DYNC1I1: variants seen among roughly 807,000 people sequenced by gnomAD.
DYNC1I1 encodes dynein cytoplasmic 1 intermediate chain 1, also known as cytoplasmic dynein 1 intermediate chain 1.
DYNC1I1 carries 43 observed loss-of-function variants against 86.6 expected under a neutral mutation model. The observed-to-expected ratio is 0.50, with a 90% confidence interval of 0.39 to 0.64. The LOEUF (loss-of-function observed/expected upper bound fraction) is 0.64, where lower values mean the gene tolerates loss of function less well. DYNC1I1 is among the 30% of genes least tolerant of loss of function. The pLI, the probability that DYNC1I1 is intolerant of heterozygous loss-of-function variation, is 0.00. For synonymous variants in DYNC1I1, 262 were observed against 283.7 expected, an observed-to-expected ratio of 0.92 and a Z score of 0.77; for missense variants, 604 against 788.8, an observed-to-expected ratio of 0.77 and a Z score of 2.81.
At chr7:95,820,310 A>G (rs574769207) in intron 4 of DYNC1I1, among the ~76,000 whole-genome samples, 1 of 152,370 alleles carries the variant, frequency 6.6e-6, no homozygotes, top group African/African-American at 2.4e-5. Context: ...TTTCTTAATT[A>G]ACATCACTTT....
chr7:96,061,708 T>TCACACA (rs1489519108), intron 14 of DYNC1I1, among the ~76,000 whole-genome samples: 17 of 127,806 alleles, frequency 1.3e-4, no homozygotes, highest in African/African-American at 5.8e-4. Flanking sequence ...TCTCTCTCTC[T>TCACACA]CTCTCACACA....
At chr7:96,026,255 T>C (rs550478968) in intron 10 of DYNC1I1, among the ~76,000 whole-genome samples, 4 of 152,254 alleles carry the variant, frequency 2.6e-5, no homozygotes, top group Admixed American at 1.3e-4. Context: ...AACATGACAT[T>C]GAAAAATAGT....
intron 14 of DYNC1I1, among the ~76,000 whole-genome samples, chr7:96,047,024 G>A (rs546244886): frequency 1.3e-5 from 2 of 152,266 alleles, no homozygotes; most frequent in African/African-American, 4.8e-5. Context: ...TCACAGTTCT[G>A]GAGGCTGATA....
intron 7 of DYNC1I1, among the ~76,000 whole-genome samples, chr7:95,984,298 A>G (rs894935502): frequency 5.9e-5 from 9 of 152,184 alleles, no homozygotes; most frequent in Non-Finnish European, 5.9e-5. Context: ...TTTATATAAC[A>G]ATCAGTCAGC....
At chr7:95,975,414 T>G (rs548738161) in intron 6 of DYNC1I1, among the ~76,000 whole-genome samples, 1 of 152,120 alleles carries the variant, frequency 6.6e-6, no homozygotes, top group Non-Finnish European at 1.5e-5. Context: ...TCTGGCACTC[T>G]TTGGTGTTCC....
intron 1 of DYNC1I1, among the ~76,000 whole-genome samples, chr7:95,788,360 A>G (rs528651955): frequency 6.6e-6 from 1 of 152,288 alleles, no homozygotes; most frequent in East Asian, 1.9e-4. Flanking sequence ...GATAGATTGG[A>G]TGTGGGTTTG....
intron 2 of DYNC1I1, among the ~76,000 whole-genome samples, chr7:95,808,602 T>A (rs1288093030): frequency 6.6e-6 from 1 of 152,184 alleles, no homozygotes; most frequent in Non-Finnish European, 1.5e-5. Flanking sequence ...TGTCCTTGGC[T>A]TCCTGCCGAA....
intron 10 of DYNC1I1, among the ~76,000 whole-genome samples, chr7:96,004,898 A>G (rs759377899): frequency 1.3e-5 from 2 of 152,232 alleles, no homozygotes; most frequent in Non-Finnish European, 2.9e-5. Context: ...TCAGTAGATA[A>G]AATAATGCAA....
intron 9 of DYNC1I1, among the ~76,000 whole-genome samples, chr7:95,991,118 G>A (rs1416559955): frequency 1.3e-5 from 2 of 152,162 alleles, no homozygotes; most frequent in East Asian, 3.8e-4. Flanking sequence ...CTTGATAAAT[G>A]TGACATAGTA....
At chr7:96,083,680 C>T (rs368574423) in intron 16 of DYNC1I1, among the ~76,000 whole-genome samples, 18 of 152,288 alleles carry the variant, frequency 1.2e-4, no homozygotes, top group African/African-American at 3.6e-4. Flanking sequence ...AAGGCTGGTG[C>T]ATGACTGACT....
At chr7:95,827,915 G>T (rs568470186) in intron 4 of DYNC1I1, 142 bp from the exon 5 acceptor site, 7 of 710,770 alleles carry the variant, frequency 9.8e-6, no homozygotes, top group African/African-American at 5.2e-5. Flanking sequence ...GTCACTGGGG[G>T]TGGAGGGGAT....
At chr7:95,834,902 T>C (rs2115969856) in intron 5 of DYNC1I1, among the ~76,000 whole-genome samples, 1 of 152,152 alleles carries the variant, frequency 6.6e-6, no homozygotes, top group East Asian at 1.9e-4. Context: ...ATGTATTTTG[T>C]TGATCCTTTC....
At chr7:95,823,227 C>T (rs1389822211) in intron 4 of DYNC1I1, among the ~76,000 whole-genome samples, 3 of 152,088 alleles carry the variant, frequency 2.0e-5, no homozygotes, top group African/African-American at 7.2e-5. Context: ...AGGCCCAAAT[C>T]CTATCCCCTC....
intron 2 of DYNC1I1, among the ~76,000 whole-genome samples, chr7:95,808,560 A>C (rs1198754063): frequency 1.3e-5 from 2 of 152,148 alleles, no homozygotes; most frequent in African/African-American, 4.8e-5. Flanking sequence ...CAATGAGGTG[A>C]GCTCAGTGGG....
intron 6 of DYNC1I1, among the ~76,000 whole-genome samples, chr7:95,932,821 C>T (rs1234234678): frequency 6.6e-6 from 1 of 151,922 alleles, no homozygotes; most frequent in African/African-American, 2.4e-5. Context: ...ATAAGACTTA[C>T]AGTAGCACAT....
chr7:96,027,044 C>T (rs187917851), intron 10 of DYNC1I1, among the ~76,000 whole-genome samples: 3 of 152,228 alleles, frequency 2.0e-5, no homozygotes, highest in South Asian at 4.1e-4. Context: ...AAGGCATGCA[C>T]CTGCCCATAC....
chr7:96,014,835 G>C (rs1794364748), intron 10 of DYNC1I1, among the ~76,000 whole-genome samples: 1 of 152,188 alleles, frequency 6.6e-6, no homozygotes, highest in African/African-American at 2.4e-5. Context: ...ACACAACTGA[G>C]TTAGATGCAT....
intron 6 of DYNC1I1, among the ~76,000 whole-genome samples, chr7:95,904,346 G>T (rs755660009): frequency 2.2e-4 from 33 of 152,118 alleles, no homozygotes; most frequent in Non-Finnish European, 4.1e-4. Context: ...ATGGGCTGAT[G>T]GACAGAAGGA....
At chr7:95,959,943 C>T (rs1792819861) in intron 6 of DYNC1I1, among the ~76,000 whole-genome samples, 1 of 152,154 alleles carries the variant, frequency 6.6e-6, no homozygotes, top group Non-Finnish European at 1.5e-5. Context: ...CTCCTTGGGG[C>T]AATTGCATGT....
Sources: gnomAD v4.1 joint callset for allele counts (sites outside exome capture counted in the v4.1 genomes callset) on GRCh38, gnomAD v4.1.1 for gene constraint, MANE v1.5 for transcripts, NCBI Gene and HGNC (gene_info 2026-07-23, HGNC 2026-07-21) for gene names.